The following LOC128706666 variants were observed in gnomAD, a reference collection of about 807,000 sequenced individuals.
At chr20:10,422,583 T>C in the LOC128706666 span, among the ~76,000 whole-genome samples, 2 of 152,200 alleles carry the variant, frequency 1.3e-5, no homozygotes, top group Non-Finnish European at 2.9e-5. Flanking sequence ...TTGATTGACA[T>C]ATGGCATTCT....
At chr20:10,424,859 C>G in the LOC128706666 span, among the ~76,000 whole-genome samples, 1 of 151,946 alleles carries the variant, frequency 6.6e-6, no homozygotes, top group Non-Finnish European at 1.5e-5. Flanking sequence ...TGAGACCAGT[C>G]TGGCCAACAT....
the LOC128706666 span, among the ~76,000 whole-genome samples, chr20:10,430,757 A>C: frequency 6.6e-6 from 1 of 152,264 alleles, no homozygotes; most frequent in African/African-American, 2.4e-5. Flanking sequence ...GAAGGAAGTC[A>C]GAAAACTGAT....
chr20:10,425,979 A>C, the LOC128706666 span, among the ~76,000 whole-genome samples: 8 of 152,330 alleles, frequency 5.3e-5, no homozygotes, highest in East Asian at 1.5e-3. Context: ...TTATAGTTTC[A>C]TTTACTAAAA....
At chr20:10,426,513 C>T in the LOC128706666 span, among the ~76,000 whole-genome samples, 1 of 152,316 alleles carries the variant, frequency 6.6e-6, no homozygotes, top group Non-Finnish European at 1.5e-5. Flanking sequence ...GATTCTCGTA[C>T]CTCAGCCTCC....
At chr20:10,421,118 A>T in the LOC128706666 span, among the ~76,000 whole-genome samples, 3 of 150,688 alleles carry the variant, frequency 2.0e-5, no homozygotes, top group East Asian at 3.9e-4. Flanking sequence ...GCCTTTTTTT[A>T]AATTATATTT....
the LOC128706666 span, among the ~76,000 whole-genome samples, chr20:10,430,045 AC>A: frequency 6.6e-6 from 1 of 152,020 alleles, no homozygotes; most frequent in Non-Finnish European, 1.5e-5. Flanking sequence ...AAACAAAAAA[AC>A]AAAAACAAAA....
At chr20:10,415,933 C>T in the LOC128706666 span, among the ~76,000 whole-genome samples, 1 of 152,002 alleles carries the variant, frequency 6.6e-6, no homozygotes, top group Non-Finnish European at 1.5e-5. Context: ...AACTTGTTGA[C>T]CTGTGGTCAC....
the LOC128706666 span, among the ~76,000 whole-genome samples, chr20:10,431,258 G>A: frequency 3.5e-4 from 53 of 152,222 alleles, 1 homozygote; most frequent in South Asian, 8.7e-3. Context: ...CTTATAAGGT[G>A]AGGAAATACT....
chr20:10,429,605 C>T, the LOC128706666 span, among the ~76,000 whole-genome samples: 72,264 of 152,020 alleles, frequency 0.48, 18,107 homozygotes, highest in Non-Finnish European at 0.56. Context: ...CAAAAAGCAT[C>T]ATCTACTAAG....
At chr20:10,423,854 G>GA in the LOC128706666 span, among the ~76,000 whole-genome samples, 4 of 152,190 alleles carry the variant, frequency 2.6e-5, no homozygotes, top group African/African-American at 9.7e-5. Context: ...AAACATCACT[G>GA]AGACTCAGTA....
At chr20:10,426,322 G>C in the LOC128706666 span, among the ~76,000 whole-genome samples, 1 of 152,184 alleles carries the variant, frequency 6.6e-6, no homozygotes, top group Non-Finnish European at 1.5e-5. Context: ...GTGTGATCAC[G>C]GATGAGGGGA....
At chr20:10,433,815 G>A in the LOC128706666 span, among the ~76,000 whole-genome samples, 6 of 152,162 alleles carry the variant, frequency 3.9e-5, no homozygotes, top group Non-Finnish European at 5.9e-5. Flanking sequence ...AGGCGGCAGC[G>A]CAGGTGGGAG....
At chr20:10,430,897 C>T in the LOC128706666 span, among the ~76,000 whole-genome samples, 1 of 152,218 alleles carries the variant, frequency 6.6e-6, no homozygotes, top group South Asian at 2.1e-4. Context: ...TTCAGACACG[C>T]TGTTGGTCTG....
At chr20:10,421,467 C>A in the LOC128706666 span, among the ~76,000 whole-genome samples, 1 of 149,758 alleles carries the variant, frequency 6.7e-6, no homozygotes, top group South Asian at 2.1e-4. Flanking sequence ...ACAGAAGAAT[C>A]AAACGGTAAT....
chr20:10,425,541 G>C, the LOC128706666 span, among the ~76,000 whole-genome samples: 1 of 152,170 alleles, frequency 6.6e-6, no homozygotes, highest in African/African-American at 2.4e-5. Context: ...AGACAGACTG[G>C]GAGATCCAAT....
At chr20:10,427,264 T>G in the LOC128706666 span, among the ~76,000 whole-genome samples, 2 of 152,200 alleles carry the variant, frequency 1.3e-5, no homozygotes, top group African/African-American at 4.8e-5. Flanking sequence ...AATGTTCTCA[T>G]TTTGCCTATT....
At chr20:10,431,820 T>C in the LOC128706666 span, 1 of 152,228 alleles carries the variant, frequency 6.6e-6, no homozygotes, top group Non-Finnish European at 1.5e-5. Flanking sequence ...TCTTGTCCCC[T>C]TTGGTCCACA....
chr20:10,414,088 G>C, the LOC128706666 span, among the ~76,000 whole-genome samples: 1 of 152,140 alleles, frequency 6.6e-6, no homozygotes, highest in Non-Finnish European at 1.5e-5. Context: ...GACCAACTTT[G>C]ACTTAAAATT....
the LOC128706666 span, among the ~76,000 whole-genome samples, chr20:10,415,690 AC>A: frequency 1.2e-3 from 190 of 152,366 alleles, no homozygotes; most frequent in African/African-American, 3.6e-3. Flanking sequence ...GTTAAAACTT[AC>A]ATACACACCC....
Sources: gnomAD v4.1 joint callset for allele counts (sites outside exome capture counted in the v4.1 genomes callset) on GRCh38, gnomAD v4.1.1 for gene constraint, MANE v1.5 for transcripts.